Variants in SLC24A2 observed in about 807,000 individuals in gnomAD.
SLC24A2 encodes sodium/potassium/calcium exchanger 2.
In SLC24A2, 36 loss-of-function variants were observed where a neutral mutation model predicts 62.0. That is an observed-to-expected ratio of 0.58 (90% confidence interval 0.44 to 0.77). The LOEUF (loss-of-function observed/expected upper bound fraction) is 0.77. SLC24A2 is among the 30% of genes least tolerant of loss of function. The pLI, the probability that SLC24A2 is intolerant of heterozygous loss-of-function variation, is 0.00. For synonymous variants in SLC24A2, 358 were observed against 294.0 expected, an observed-to-expected ratio of 1.22 and a Z score of -2.23; for missense variants, 846 against 817.9, an observed-to-expected ratio of 1.03 and a Z score of -0.42.
chr9:20,220,761 G>T, the SLC24A2 span, among the ~76,000 whole-genome samples: 3 of 152,076 alleles, frequency 2.0e-5, no homozygotes, highest in Non-Finnish European at 4.4e-5. Context: ...CTAAGATCCA[G>T]GATGGAGTGC....
the SLC24A2 span, among the ~76,000 whole-genome samples, chr9:20,118,491 C>T: frequency 7.2e-5 from 11 of 152,184 alleles, no homozygotes; most frequent in Non-Finnish European, 1.6e-4. Flanking sequence ...TTTTGTTGGA[C>T]ATTGTGGATT....
intron 4 of SLC24A2, among the ~76,000 whole-genome samples, chr9:19,610,012 A>G (rs917570770): frequency 3.9e-5 from 6 of 152,174 alleles, no homozygotes; most frequent in Non-Finnish European, 8.8e-5. Flanking sequence ...CCAGTTCCTA[A>G]TGGACCATGA....
At chr9:20,056,879 A>G in the SLC24A2 span, among the ~76,000 whole-genome samples, 1 of 152,160 alleles carries the variant, frequency 6.6e-6, no homozygotes, top group East Asian at 1.9e-4. Context: ...ACAAAATAAA[A>G]ATTTAAAAAA....
chr9:19,603,939 T>C (rs1836915795), intron 4 of SLC24A2, among the ~76,000 whole-genome samples: 1 of 152,218 alleles, frequency 6.6e-6, no homozygotes, highest in Non-Finnish European at 1.5e-5. Context: ...TCCTCCTGTG[T>C]GTCTGTTCCA....
At chr9:20,133,585 AAAATAAC>A in the SLC24A2 span, among the ~76,000 whole-genome samples, 1 of 152,166 alleles carries the variant, frequency 6.6e-6, no homozygotes, top group South Asian at 2.1e-4. Flanking sequence ...TCAAATGTCT[AAAATAAC>A]AAACAAGAAA....
the SLC24A2 span, among the ~76,000 whole-genome samples, chr9:19,837,146 C>T: frequency 1.4e-4 from 21 of 152,206 alleles, no homozygotes; most frequent in Non-Finnish European, 1.8e-4. Context: ...AAACTGGAAG[C>T]GTTCCCTTTG....
At chr9:20,019,155 A>AAGAAAGAGAG in the SLC24A2 span, among the ~76,000 whole-genome samples, 571 of 117,152 alleles carry the variant, frequency 4.9e-3, 33 homozygotes, top group Middle Eastern at 8.5e-3. Flanking sequence ...GAAAGAAAGA[A>AAGAAAGAGAG]AGAGAGAGAG....
intron 8 of SLC24A2, among the ~76,000 whole-genome samples, chr9:19,531,203 CATTTCCA>C (rs1833692557): frequency 6.6e-6 from 1 of 152,134 alleles, no homozygotes; most frequent in Non-Finnish European, 1.5e-5. Flanking sequence ...ACTACTTTAC[CATTTCCA>C]TTTTCACACC....
At chr9:19,898,238 G>A in the SLC24A2 span, among the ~76,000 whole-genome samples, 1 of 152,210 alleles carries the variant, frequency 6.6e-6, no homozygotes, top group African/African-American at 2.4e-5. Context: ...CTGGCACCTT[G>A]TGGAAGCTGC....
chr9:20,090,441 G>C, the SLC24A2 span, among the ~76,000 whole-genome samples: 1 of 152,180 alleles, frequency 6.6e-6, no homozygotes, highest in Non-Finnish European at 1.5e-5. Context: ...CACGCTATCA[G>C]AGCATTGAGA....
intron 2 of SLC24A2, among the ~76,000 whole-genome samples, chr9:19,685,600 G>A (rs1259094761): frequency 6.6e-6 from 1 of 151,768 alleles, no homozygotes; most frequent in Non-Finnish European, 1.5e-5. Context: ...ACACAATAGA[G>A]AACCCAGAAA....
chr9:20,231,717 AC>A, the SLC24A2 span, among the ~76,000 whole-genome samples: 5 of 152,098 alleles, frequency 3.3e-5, no homozygotes, highest in Non-Finnish European at 7.4e-5. Flanking sequence ...CTAATTGAAT[AC>A]CCTTTATTTC....
chr9:20,120,351 T>A, the SLC24A2 span, among the ~76,000 whole-genome samples: 1 of 152,124 alleles, frequency 6.6e-6, no homozygotes, highest in Non-Finnish European at 1.5e-5. Context: ...GTGGTACATG[T>A]ACACCATGGC....
chr9:20,128,504 G>A, the SLC24A2 span, among the ~76,000 whole-genome samples: 1 of 152,036 alleles, frequency 6.6e-6, no homozygotes, highest in Admixed American at 6.6e-5. Context: ...CTATTGGGCT[G>A]CATTACTCTA....
the SLC24A2 span, among the ~76,000 whole-genome samples, chr9:20,130,782 T>C: frequency 2.0e-5 from 3 of 152,090 alleles, no homozygotes; most frequent in Non-Finnish European, 4.4e-5. Context: ...TAGAAGACTG[T>C]TGTGTTAGAT....
chr9:19,682,366 G>A lies in SLC24A2; in HGVS notation c.931-60067C>T, dbSNP rs554786140. On this transcript the variant is annotated intron_variant, in intron 2 of 10. Coordinates refer to ENST00000341998, the MANE Select transcript of SLC24A2 (RefSeq NM_020344.4). ...CCTGGGCCCTTCTGTAAGCCCAACCGGGAGAAACATTACCTTAAATTAAAT... is the reference window on the plus strand; with the variant it reads ...CCTGGGCCCTTCTGTAAGCCCAACCAGGAGAAACATTACCTTAAATTAAAT... 2.4e-4 allele frequency among the ~76,000 whole-genome samples: 37 copies of A among 152,178 alleles called. No homozygotes were observed. In the South Asian group the frequency reaches 3.3e-3, roughly 14 times the overall value.
At chr9:19,615,076 C>T (rs1215872606) in intron 4 of SLC24A2, among the ~76,000 whole-genome samples, 1 of 152,300 alleles carries the variant, frequency 6.6e-6, no homozygotes, top group South Asian at 2.1e-4. Flanking sequence ...GTGACTCAGG[C>T]TCAGAGGCGG....
At chr9:20,196,661 T>C in the SLC24A2 span, among the ~76,000 whole-genome samples, 7 of 152,240 alleles carry the variant, frequency 4.6e-5, no homozygotes, top group Non-Finnish European at 8.8e-5. Context: ...TAGTTTATAG[T>C]GCATAGGATA....
the SLC24A2 span, among the ~76,000 whole-genome samples, chr9:19,823,374 C>T: frequency 4.7e-4 from 71 of 151,784 alleles, no homozygotes; most frequent in African/African-American, 1.6e-3. Context: ...AAGTTATAGG[C>T]GTGATATTCC....
Sources: gnomAD v4.1 joint callset for allele counts (sites outside exome capture counted in the v4.1 genomes callset) on GRCh38, gnomAD v4.1.1 for gene constraint, MANE v1.5 for transcripts, NCBI Gene and HGNC (gene_info 2026-07-23, HGNC 2026-07-21) for gene names.